SEPTIN9: variants seen among roughly 807,000 people sequenced by gnomAD.
SEPTIN9 encodes septin 9.
A neutral mutation model predicts 56.6 loss-of-function variants in SEPTIN9; 13 were observed. The ratio of observed to expected loss-of-function variants is 0.23; its 90% confidence interval spans 0.15 to 0.37. The LOEUF is 0.37. SEPTIN9 is among the 10% of genes least tolerant of loss of function. The pLI is 1.00. For missense variants in SEPTIN9, 650 were observed against 823.1 expected (o/e 0.79, Z 2.57); for synonymous variants, 332 against 334.1 (o/e 0.99, Z 0.07).
intron 2 of SEPTIN9, among the ~76,000 whole-genome samples, chr17:77,361,187 G>T (rs566334037): frequency 3.9e-5 from 6 of 152,192 alleles, no homozygotes; most frequent in Non-Finnish European, 7.3e-5. Flanking sequence ...GCCTCCCAAA[G>T]TGCTGGGATT....
At position 77,327,246 on chromosome 17, in the gene SEPTIN9, TTTA is replaced by T. The variant is rs148599092; in HGVS notation, c.76+20052_76+20054del. On this transcript the variant is annotated intron_variant, in intron 2 of 11. Transcript: ENST00000427177. This position sits in a 1 kb window ranked among gnomAD's most constrained non-coding sequence, Gnocchi z 5.0. ...TCGCTGGCTGCTGCCCTCAGGTTAG[TTTA>T]TTTTTACCCGGCCTGCTCCCACCAG... Among the ~76,000 whole-genome samples the T allele has an allele frequency of 0.022, 3,297 of 152,012 alleles. 178 individuals carry two copies. In the East Asian group the frequency reaches 0.24, roughly 11 times the overall value.
intron 2 of SEPTIN9, among the ~76,000 whole-genome samples, chr17:77,321,109 T>A (rs1469377451): frequency 6.6e-6 from 1 of 152,244 alleles, no homozygotes; most frequent in African/African-American, 2.4e-5. Context: ...TCATCGGTAA[T>A]TAGCAGTGAT....
rs183146888 is a variant in SEPTIN9, at chr17:77,414,759, G to T, written c.721+12056G>T. ...TGCCCGGCTAATTTTTGTATTTTTT[G>T]TAGAGATGGGGTTTCACCATGTTGC... is the stretch of plus-strand genomic sequence containing the variant. On this transcript the variant is annotated intron_variant, in intron 3 of 11. Coordinates refer to ENST00000427177, the MANE Select transcript of SEPTIN9 (RefSeq NM_001113491.2). 5.8e-3 allele frequency among the ~76,000 whole-genome samples: 883 copies of T among 151,988 alleles called. 8 individuals carry two copies. Among genetic ancestry groups the T allele is most frequent in the Admixed American group, 0.011 (167 of 15,258 alleles).
chr17:77,374,902 A>C (rs2034865118), intron 2 of SEPTIN9: 8 of 150,490 alleles, frequency 5.3e-5, no homozygotes, highest in Admixed American at 5.3e-4. Flanking sequence ...CGCTGTGCAG[A>C]GTGTGAGCTG....
At chr17:77,372,081 C>T (rs957371820) in intron 2 of SEPTIN9, among the ~76,000 whole-genome samples, 50 of 152,300 alleles carry the variant, frequency 3.3e-4, no homozygotes, top group African/African-American at 1.2e-3. Flanking sequence ...CCCGGCCACA[C>T]ATTCAAGGGA....
intron 4 of SEPTIN9, chr17:77,484,013 G>C (rs995738165): frequency 6.6e-6 from 1 of 152,228 alleles, no homozygotes; most frequent in African/African-American, 2.4e-5. Flanking sequence ...CTAACTCAGC[G>C]GGGTGAGGCT....
Position 77,450,908 on chromosome 17 carries a change from C to G in SEPTIN9, c.722-31236C>G. The G allele has an allele frequency of 1.4e-6, 1 of 696,458 alleles. No individual in the cohort carries two copies. Among genetic ancestry groups the G allele is most frequent in the Non-Finnish European group, 1.8e-6 (1 of 566,082 alleles). 43.1% of individuals were successfully genotyped at this position (696,458 alleles called of 1,614,324 possible). A position where few individuals can be genotyped will look rare whatever the true frequency, so the allele number is the denominator to read the frequency against. On this transcript the variant is annotated intron_variant, in intron 3 of 11. Coordinates refer to ENST00000427177, the MANE Select transcript of SEPTIN9 (RefSeq NM_001113491.2). The surrounding 1 kb of genome is among the most constrained non-coding windows in gnomAD (Gnocchi z 6.0). ...GGTGGCTGTGTTCCAGCCCTGGCTG[C>G]AGGTCTGAATGGCTTTCTGGGGTGG...
At chr17:77,460,280 G>C (rs1291118141) in intron 3 of SEPTIN9, among the ~76,000 whole-genome samples, 1 of 152,096 alleles carries the variant, frequency 6.6e-6, no homozygotes, top group Non-Finnish European at 1.5e-5. Context: ...GTCCCCCGAG[G>C]GGCCCTGGTG....
intron 2 of SEPTIN9, among the ~76,000 whole-genome samples, chr17:77,351,728 G>A (rs1396296313): frequency 6.6e-6 from 1 of 152,226 alleles, no homozygotes; most frequent in Non-Finnish European, 1.5e-5. Context: ...CTGTGCAGGG[G>A]CTGATGAAGT....
rs776112941 is a variant in SEPTIN9 at position 77,402,346 on chromosome 17, G to T, written c.364G>T (p.Ala122Ser). 2 of 1,612,486 alleles carry T rather than the reference G, an allele frequency of 1.2e-6. No homozygotes were observed. Among genetic ancestry groups the T allele is most frequent in the South Asian group, 1.1e-5 (1 of 91,028 alleles). The change falls in exon 3 of 12, where the codon GCC becomes TCC. Residue 122 changes from alanine (A) to serine (S), a missense_variant. This residue lies in a region of SEPTIN9 where 317 missense variants were observed against 329.1 expected (regional missense o/e 0.96). Transcript: ENST00000427177. This position sits in a 1 kb window ranked among gnomAD's most constrained non-coding sequence, Gnocchi z 6.6. The stretch of plus-strand genomic sequence containing the variant: ...CATCTCGTCCAAGCAGGTGGAGAAC[G>T]CCGGGGCCATCGGCCCGTCCCGGTT... ...IDISSKQVEN[A>S]GAIGPSRFGL...
chr17:77,294,288 C>T (rs1489107656), intron 1 of SEPTIN9, among the ~76,000 whole-genome samples: 22 of 151,962 alleles, frequency 1.4e-4, no homozygotes, highest in Admixed American at 1.1e-3. Flanking sequence ...GGTGTGATGA[C>T]GCACGCCTGT....
Position 77,475,574 on chromosome 17 carries a change from G to T in SEPTIN9, c.722-6570G>T. On this transcript the variant is annotated intron_variant, in intron 3 of 11. Transcript: ENST00000427177. The surrounding 1 kb of genome is among the most constrained non-coding windows in gnomAD (Gnocchi z 4.6). Reference sequence around the variant, plus strand: ...GTGGCCGTAGGGCTGCCGCAGGGGTGCTGGCCCCAGGGTCTGGATTCAGGG... The same window carrying T: ...GTGGCCGTAGGGCTGCCGCAGGGGTTCTGGCCCCAGGGTCTGGATTCAGGG... The T allele has an allele frequency of 6.2e-7, 1 of 1,613,432 alleles. No homozygotes were observed. The highest frequency in any genetic ancestry group is 8.5e-7 in the Non-Finnish European group (1 of 1,179,832).
Position 77,433,060 on chromosome 17 carries a change from C to T in SEPTIN9, c.721+30357C>T, listed in dbSNP as rs900156591. Among the ~76,000 whole-genome samples the T allele has an allele frequency of 2.0e-4, 31 of 152,290 alleles. No homozygotes were observed. Among genetic ancestry groups the T allele is most frequent in the Middle Eastern group, 3.4e-3 (1 of 294 alleles). On this transcript the variant is annotated intron_variant, in intron 3 of 11. Transcript: ENST00000427177. The surrounding 1 kb of genome is among the most constrained non-coding windows in gnomAD (Gnocchi z 6.4). ...CCTCCCGCTGTGCTCTCAGCTGCTC[C>T]GACAGGATGCTTTTGGCCTGAGAGA...
intron 2 of SEPTIN9, among the ~76,000 whole-genome samples, chr17:77,320,798 A>G (rs1436138): frequency 0.42 from 63,255 of 152,160 alleles, 13,616 homozygotes; most frequent in African/African-American, 0.52. Flanking sequence ...TCTCCTACCT[A>G]AAATAGCATT....
chr17:77,384,714 A>G (rs758796787), intron 2 of SEPTIN9, among the ~76,000 whole-genome samples: 3 of 152,194 alleles, frequency 2.0e-5, no homozygotes, highest in Admixed American at 6.5e-5. Context: ...CAAGAATGAC[A>G]TATCTGGAAT....
intron 3 of SEPTIN9, among the ~76,000 whole-genome samples, chr17:77,465,652 C>A (rs535418122): frequency 2.6e-5 from 4 of 152,096 alleles, no homozygotes; most frequent in Non-Finnish European, 5.9e-5. Context: ...AGAGTGACCC[C>A]GGGGGCCTGC....
chr17:77,442,998 T>A (rs1568072424), intron 3 of SEPTIN9, among the ~76,000 whole-genome samples: 1 of 151,922 alleles, frequency 6.6e-6, no homozygotes, highest in Non-Finnish European at 1.5e-5. Flanking sequence ...TTCTTAGGTG[T>A]GGTGTGGAAA....
intron 2 of SEPTIN9, among the ~76,000 whole-genome samples, chr17:77,380,419 T>C: frequency 6.6e-6 from 1 of 151,948 alleles, no homozygotes; most frequent in Non-Finnish European, 1.5e-5. Flanking sequence ...CGGAAATTTC[T>C]GAATATCCCC....
intron 3 of SEPTIN9, among the ~76,000 whole-genome samples, chr17:77,467,709 C>T (rs73375397): frequency 0.11 from 17,252 of 152,188 alleles, 2,829 homozygotes; most frequent in African/African-American, 0.36. Flanking sequence ...ACCGAAGCCG[C>T]GGAGACGCCG....
Sources: gnomAD v4.1 joint callset for allele counts (sites outside exome capture counted in the v4.1 genomes callset) on GRCh38, gnomAD v4.1.1 for gene constraint, gnomAD v4.1.1 regional missense constraint, Gnocchi (gnomAD v3.1) non-coding constraint, MANE v1.5 for transcripts, NCBI Gene and HGNC (gene_info 2026-07-23, HGNC 2026-07-21) for gene names.